Variants in TMEM132B observed in about 807,000 individuals in gnomAD.
The protein encoded by TMEM132B is transmembrane protein 132B.
A neutral mutation model predicts 90.8 loss-of-function variants in TMEM132B; 18 were observed. The ratio of observed to expected loss-of-function variants is 0.20; its 90% confidence interval spans 0.14 to 0.29. The LOEUF is 0.29. Ranked by LOEUF, TMEM132B falls within the 10% of genes least tolerant of loss-of-function variation. The pLI, the probability that TMEM132B is intolerant of heterozygous loss-of-function variation, is 1.00. For synonymous variants in TMEM132B, 504 were observed against 523.3 expected (o/e 0.96, Z 0.50); for missense variants, 1,096 against 1,326.8 (o/e 0.83, Z 2.70).
chr12:125,593,602 G>A (rs749417890), intron 5 of TMEM132B, among the ~76,000 whole-genome samples: 2 of 152,136 alleles, frequency 1.3e-5, no homozygotes, highest in Non-Finnish European at 2.9e-5. Flanking sequence ...TATGGCTCTA[G>A]GGTCCTCTAT....
At chr12:125,587,558 C>A (rs574787452) in intron 5 of TMEM132B, 16 of 152,268 alleles carry the variant, frequency 1.1e-4, no homozygotes, top group African/African-American at 3.4e-4. Flanking sequence ...TTCCTGTGAA[C>A]CTCGTCTGGA....
chr12:125,338,824 A>G (rs930517825), intron 1 of TMEM132B, among the ~76,000 whole-genome samples: 1 of 152,078 alleles, frequency 6.6e-6, no homozygotes, highest in Non-Finnish European at 1.5e-5. Flanking sequence ...TCCTTTTTGT[A>G]CTTTCATGCT....
At chr12:125,558,662 G>A (rs983705160) in intron 4 of TMEM132B, among the ~76,000 whole-genome samples, 3 of 152,194 alleles carry the variant, frequency 2.0e-5, no homozygotes, top group African/African-American at 4.8e-5. Flanking sequence ...AGGAGAGCCA[G>A]CACTTTCTTG....
intron 5 of TMEM132B, among the ~76,000 whole-genome samples, chr12:125,599,233 A>C (rs1885514352): frequency 6.6e-6 from 1 of 152,160 alleles, no homozygotes; most frequent in South Asian, 2.1e-4. Context: ...GTTCCCCTGC[A>C]CACTTCTCTT....
chr12:125,431,406 G>A (rs567012092), intron 3 of TMEM132B, among the ~76,000 whole-genome samples: 51 of 152,186 alleles, frequency 3.4e-4, no homozygotes, highest in African/African-American at 4.6e-4. Flanking sequence ...ACTCTACTTC[G>A]GTGGAAAGAC....
At chr12:125,608,258 CT>C (rs1885743625) in intron 5 of TMEM132B, among the ~76,000 whole-genome samples, 1 of 152,114 alleles carries the variant, frequency 6.6e-6, no homozygotes, top group Admixed American at 6.5e-5. Flanking sequence ...AAGTTATTAT[CT>C]TTTTAATTAT....
intron 1 of TMEM132B, among the ~76,000 whole-genome samples, chr12:125,240,788 T>TGCA (rs1874045833): frequency 1.3e-5 from 2 of 152,234 alleles, no homozygotes; most frequent in Non-Finnish European, 2.9e-5. Context: ...CTGCAGTGTG[T>TGCA]GATTACGGAC....
chr12:125,622,758 A>G (rs1342069501), intron 5 of TMEM132B: 8 of 700,266 alleles, frequency 1.1e-5, no homozygotes, highest in Non-Finnish European at 1.2e-5. Flanking sequence ...TGGGGAGGAC[A>G]TCATTTGTAT....
At chr12:125,545,605 C>T (rs1053552353) in intron 4 of TMEM132B, among the ~76,000 whole-genome samples, 1 of 152,222 alleles carries the variant, frequency 6.6e-6, no homozygotes, top group Non-Finnish European at 1.5e-5. Context: ...CACTGTGTGT[C>T]ACTGTGTACA....
At chr12:125,248,924 C>G (rs1458947285) in intron 1 of TMEM132B, among the ~76,000 whole-genome samples, 1 of 152,166 alleles carries the variant, frequency 6.6e-6, no homozygotes, top group Non-Finnish European at 1.5e-5. Flanking sequence ...CAACCTGTGA[C>G]ACCTTCCTCT....
intron 3 of TMEM132B, among the ~76,000 whole-genome samples, chr12:125,471,665 C>G (rs1479964158): frequency 6.6e-6 from 1 of 152,222 alleles, no homozygotes; most frequent in East Asian, 1.9e-4. Context: ...AACAGTGAGT[C>G]TGACATATTG....
At position 125,371,382 on chromosome 12, in the gene TMEM132B, G is replaced by C. The variant is rs61943145; in HGVS notation, c.959+21039G>C. 3.5e-3 allele frequency among the ~76,000 whole-genome samples: 535 copies of C among 152,306 alleles called. 5 individuals carry two copies. The highest frequency in any genetic ancestry group is 0.023 in the South Asian group (110 of 4,826). ...ATCATCACAGCTGGGAAGAGACAGG[G>C]AGGAAGGAGGGCATCCGAGGGACCC... On this transcript the variant is annotated intron_variant, in intron 2 of 8. Transcript: ENST00000682704.
intron 3 of TMEM132B, among the ~76,000 whole-genome samples, chr12:125,471,205 T>C (rs1482381496): frequency 6.6e-6 from 1 of 152,216 alleles, no homozygotes; most frequent in Non-Finnish European, 1.5e-5. Context: ...GATCTCTCTA[T>C]GTTTTCAGTC....
At chr12:125,330,333 CTTTTTT>C (rs75180932) in intron 1 of TMEM132B, among the ~76,000 whole-genome samples, 1 of 124,458 alleles carries the variant, frequency 8.0e-6, no homozygotes, top group Non-Finnish European at 1.8e-5. Flanking sequence ...TAAGGGGTTT[CTTTTTT>C]TTTTTTTTTT....
At chr12:125,499,179 G>GTATCTCTAGACATTTGATCTTT in intron 3 of TMEM132B, among the ~76,000 whole-genome samples, 1 of 152,180 alleles carries the variant, frequency 6.6e-6, no homozygotes, top group African/African-American at 2.4e-5. Context: ...ATTTGATCTT[G>GTATCTCTAGACATTTGATCTTT]TATCTCTAGA....
chr12:125,531,888 A>G (rs1165077706), intron 4 of TMEM132B, among the ~76,000 whole-genome samples: 1 of 152,250 alleles, frequency 6.6e-6, no homozygotes, highest in Non-Finnish European at 1.5e-5. Context: ...CACTTGGTGC[A>G]GAGTGGGCAC....
chr12:125,273,448 A>C (rs961509789), intron 1 of TMEM132B, among the ~76,000 whole-genome samples: 1 of 152,014 alleles, frequency 6.6e-6, no homozygotes, highest in Non-Finnish European at 1.5e-5. Context: ...TTAGCTGGGC[A>C]TGGTTGCTCA....
intron 7 of TMEM132B, among the ~76,000 whole-genome samples, chr12:125,651,997 C>T (rs1005933287): frequency 3.9e-5 from 6 of 152,076 alleles, no homozygotes; most frequent in African/African-American, 1.5e-4. Context: ...CCCTTCTGCC[C>T]CTAGCCAGGA....
intron 1 of TMEM132B, among the ~76,000 whole-genome samples, chr12:125,306,775 A>T (rs1426105151): frequency 1.3e-5 from 2 of 152,342 alleles, no homozygotes; most frequent in East Asian, 3.9e-4. Context: ...CAATTGCACC[A>T]TGTTCTTCCT....
Sources: gnomAD v4.1 joint callset for allele counts (sites outside exome capture counted in the v4.1 genomes callset) on GRCh38, gnomAD v4.1.1 for gene constraint, MANE v1.5 for transcripts, NCBI Gene and HGNC (gene_info 2026-07-23, HGNC 2026-07-21) for gene names.